OPCML: variants seen among roughly 807,000 people sequenced by gnomAD.
OPCML encodes the protein opioid binding protein/cell adhesion molecule like.
In OPCML, 13 loss-of-function variants were observed where a neutral mutation model predicts 37.8. The observed-to-expected ratio is 0.34, with a 90% CI of 0.22 to 0.55. OPCML has a LOEUF of 0.55. Ranked by LOEUF, OPCML falls within the 20% of genes least tolerant of loss-of-function variation. The pLI, the probability that OPCML is intolerant of heterozygous loss-of-function variation, is 0.91. For missense variants in OPCML, 341 were observed against 435.6 expected (o/e 0.78, Z 1.93); for synonymous variants, 176 against 168.8 (o/e 1.04, Z -0.33).
At chr11:133,115,780 T>C (rs1288122265) in intron 1 of OPCML, among the ~76,000 whole-genome samples, 1 of 152,152 alleles carries the variant, frequency 6.6e-6, no homozygotes, top group Non-Finnish European at 1.5e-5. Context: ...AAATATCTTA[T>C]AGAATGTTAC....
chr11:133,527,114 C>A (rs1440722663), intron 1 of OPCML, among the ~76,000 whole-genome samples: 1 of 152,234 alleles, frequency 6.6e-6, no homozygotes, highest in Non-Finnish European at 1.5e-5. Context: ...TGATGGGGTC[C>A]CTGTCCAGCG....
intron 2 of OPCML, among the ~76,000 whole-genome samples, chr11:132,752,605 A>T (rs374465730): frequency 3.9e-5 from 6 of 152,222 alleles, no homozygotes; most frequent in African/African-American, 1.4e-4. Flanking sequence ...TGAGTAAAAG[A>T]TTTGTTAGCA....
At chr11:133,146,871 AACAC>A (rs1428580072) in intron 1 of OPCML, among the ~76,000 whole-genome samples, 1 of 152,180 alleles carries the variant, frequency 6.6e-6, no homozygotes, top group Non-Finnish European at 1.5e-5. Flanking sequence ...AAGGGGAAAA[AACAC>A]ACACAGTTGA....
chr11:133,175,821 C>T (rs578154697), intron 1 of OPCML, among the ~76,000 whole-genome samples: 1 of 152,072 alleles, frequency 6.6e-6, no homozygotes. Context: ...CAGTGAAACA[C>T]AAGCAAGAAT....
chr11:132,508,176 T>C (rs2096261448), intron 4 of OPCML, among the ~76,000 whole-genome samples: 1 of 152,218 alleles, frequency 6.6e-6, no homozygotes, highest in Admixed American at 6.5e-5. Flanking sequence ...CAGTTATTTT[T>C]AAACTCTTTC....
chr11:133,024,460 C>T (rs1389170420), intron 1 of OPCML: 2 of 983,806 alleles, frequency 2.0e-6, no homozygotes, highest in Non-Finnish European at 2.4e-6. Context: ...GAAGCAGCTG[C>T]TCACACAGCA....
Position 133,165,159 on chromosome 11 carries a change from C to T in OPCML, c.62-222149G>A, listed in dbSNP as rs575495291. ...CGAGCCACAGTCCAGCAAGCTGCCG[C>T]GCAGCCGCATGGCCTCAGCTCTCTG... On this transcript the variant is annotated intron_variant, in intron 1 of 7. Coordinates refer to ENST00000524381, the MANE Select transcript of OPCML (RefSeq NM_001012393.5). Among the ~76,000 whole-genome samples, 4 of 152,368 alleles carry T rather than the reference C, an allele frequency of 2.6e-5. No individual in the cohort carries two copies. The South Asian group carries it at 6.2e-4, about 24-fold the overall frequency.
At chr11:132,480,664 G>A (rs997537742) in intron 4 of OPCML, among the ~76,000 whole-genome samples, 13 of 152,250 alleles carry the variant, frequency 8.5e-5, no homozygotes, top group South Asian at 4.1e-4. Context: ...GACTAACAGC[G>A]GATCTCTTGG....
chr11:133,347,901 A>G (rs760984510), intron 1 of OPCML, among the ~76,000 whole-genome samples: 1 of 152,196 alleles, frequency 6.6e-6, no homozygotes, highest in Non-Finnish European at 1.5e-5. Context: ...GATGATAGTG[A>G]GCTGAGAGGA....
intron 1 of OPCML, among the ~76,000 whole-genome samples, chr11:133,489,837 T>C (rs958627862): frequency 2.9e-5 from 4 of 138,944 alleles, no homozygotes; most frequent in African/African-American, 1.1e-4. Context: ...TGTATATACA[T>C]ATATATATAT....
intron 2 of OPCML, among the ~76,000 whole-genome samples, chr11:132,666,223 G>A (rs1005881684): frequency 6.6e-5 from 10 of 152,220 alleles, no homozygotes; most frequent in African/African-American, 1.7e-4. Context: ...GAGGCATGGC[G>A]CCACCATCTG....
At chr11:133,047,702 C>T (rs1043427624) in intron 1 of OPCML, among the ~76,000 whole-genome samples, 3 of 152,184 alleles carry the variant, frequency 2.0e-5, no homozygotes, top group Non-Finnish European at 4.4e-5. Flanking sequence ...ATCCCCAGCC[C>T]ACTCCTCAGG....
chr11:132,668,659 G>A (rs1450286016), intron 2 of OPCML, among the ~76,000 whole-genome samples: 2 of 152,146 alleles, frequency 1.3e-5, no homozygotes, highest in Admixed American at 6.5e-5. Flanking sequence ...TACTGAATCC[G>A]TTCGCATATC....
chr11:132,768,316 T>C (rs889368546), intron 2 of OPCML, among the ~76,000 whole-genome samples: 4 of 152,192 alleles, frequency 2.6e-5, no homozygotes, highest in Non-Finnish European at 5.9e-5. Flanking sequence ...GTGAATGGCT[T>C]GCCCCCATTC....
intron 1 of OPCML, among the ~76,000 whole-genome samples, chr11:133,155,781 C>T (rs1217585808): frequency 6.6e-6 from 1 of 152,146 alleles, no homozygotes; most frequent in Non-Finnish European, 1.5e-5. Context: ...CTGGCTCATT[C>T]CTCCTCCTCC....
intron 1 of OPCML, among the ~76,000 whole-genome samples, chr11:132,986,458 A>C (rs948719679): frequency 6.6e-6 from 1 of 152,194 alleles, no homozygotes; most frequent in African/African-American, 2.4e-5. Flanking sequence ...TCTCCAACAC[A>C]CTTAGGACCA....
At chr11:132,968,640 T>C (rs1037925965) in intron 1 of OPCML, among the ~76,000 whole-genome samples, 4 of 152,186 alleles carry the variant, frequency 2.6e-5, no homozygotes, top group African/African-American at 7.2e-5. Context: ...TCCTGCCACA[T>C]TGGCGATTAC....
intron 1 of OPCML, among the ~76,000 whole-genome samples, chr11:133,087,899 G>A (rs569663657): frequency 2.6e-5 from 4 of 152,268 alleles, no homozygotes; most frequent in South Asian, 2.1e-4. Context: ...CTTACTAGAC[G>A]GTTAGGAGAT....
chr11:132,436,106 T>C lies in OPCML; in HGVS notation c.896A>G (p.Asn299Ser), dbSNP rs140602034. Residue 299 changes from asparagine (N) to serine (S), a missense_variant, in exon 7 of 8, where the codon AAT becomes AGT. By Grantham distance (46) the Asn-to-Ser change is conservative (BLOSUM62 1). Coordinates refer to ENST00000524381, the MANE Select transcript of OPCML (RefSeq NM_001012393.5). ...CVATNKLGNT[N>S]ASITLYGPGA... ...CTCACCATACAATGTGATGCTGGCA[T>C]TGGTGTTCCCAAGCTTGTTCGTGGC... is the stretch of plus-strand genomic sequence containing the variant. 53 of 1,614,030 alleles carry C rather than the reference T, an allele frequency of 3.3e-5. No homozygotes were observed. In the African/African-American group the frequency reaches 6.3e-4, roughly 19 times the overall value.
Sources: gnomAD v4.1 joint callset for allele counts (sites outside exome capture counted in the v4.1 genomes callset) on GRCh38, gnomAD v4.1.1 for gene constraint, MANE v1.5 for transcripts, NCBI Gene and HGNC (gene_info 2026-07-23, HGNC 2026-07-21) for gene names.